The following GRK5 variants were observed in gnomAD, a reference collection of about 807,000 sequenced individuals.
GRK5 encodes G protein-coupled receptor kinase 5, also known as g protein-coupled receptor kinase GRK5.
A neutral mutation model predicts 78.4 loss-of-function variants in GRK5; 40 were observed. The ratio of observed to expected loss-of-function variants is 0.51; its 90% CI spans 0.40 to 0.66. The LOEUF (loss-of-function observed/expected upper bound fraction) is 0.66. Among genes scored for constraint, GRK5 ranks in the 30% least tolerant of loss-of-function variants. The probability of loss-of-function intolerance (pLI) is 0.00; values close to 1 mark genes in which losing one functional copy is unlikely to be tolerated. For synonymous variants in GRK5, 289 were observed against 296.8 expected (o/e 0.97, Z 0.27); for missense variants, 598 against 759.9 (o/e 0.79, Z 2.50).
At chr10:119,210,323 A>T (rs1848467023) in intron 1 of GRK5, among the ~76,000 whole-genome samples, 1 of 152,172 alleles carries the variant, frequency 6.6e-6, no homozygotes, top group African/African-American at 2.4e-5. Flanking sequence ...TACAATTTGC[A>T]TCTCTCCCCT....
chr10:119,310,480 T>C (rs2133736814), intron 1 of GRK5, among the ~76,000 whole-genome samples: 2 of 152,350 alleles, frequency 1.3e-5, no homozygotes, highest in South Asian at 4.1e-4. Flanking sequence ...GGCCAGACTT[T>C]TCTCAACTGT....
chr10:119,207,612 G>A lies in GRK5; in HGVS notation c.-306G>A. ...TTAAAGCATCCGAGGGAGCCGGAGG[G>A]GAGGAGAATGGAGTGACAGAGACAC... On this transcript the variant is annotated 5_prime_UTR_variant, in exon 1 of 16. Transcript: ENST00000392870. 3.1e-6 allele frequency: 1 copy of A among 320,060 alleles called. No homozygotes were observed. Among genetic ancestry groups the A allele is most frequent in the South Asian group, 2.8e-5 (1 of 35,360 alleles). The allele number at this position is 320,060 out of a possible 1,614,324, so 19.8% of individuals were successfully genotyped here.
intron 1 of GRK5, among the ~76,000 whole-genome samples, chr10:119,296,464 T>C (rs1273168399): frequency 6.6e-6 from 1 of 152,174 alleles, no homozygotes; most frequent in Non-Finnish European, 1.5e-5. Flanking sequence ...ACAGGCACTG[T>C]TCAATGTCTG....
At chr10:119,209,621 A>G (rs1057017231) in intron 1 of GRK5, among the ~76,000 whole-genome samples, 1 of 141,930 alleles carries the variant, frequency 7.0e-6, no homozygotes, top group African/African-American at 2.6e-5. Flanking sequence ...ACAGCCCTCC[A>G]CCTCCCCCGC....
intron 1 of GRK5, among the ~76,000 whole-genome samples, chr10:119,210,217 C>T (rs114360399): frequency 6.6e-6 from 1 of 152,100 alleles, no homozygotes; most frequent in Admixed American, 6.6e-5. Flanking sequence ...GAGAAAATAG[C>T]TCTTGATGAT....
chr10:119,207,758 C>G lies in GRK5; in HGVS notation c.-160C>G, dbSNP rs1157548034. On this transcript the variant is annotated 5_prime_UTR_variant, in exon 1 of 16. Coordinates refer to ENST00000392870, the MANE Select transcript of GRK5 (RefSeq NM_005308.3). ...GCTCCTCTTTGCAGAGGGGGAAACT[C>G]TTGGGCTGAGAGCAGGAATAATGCG... 5 of 694,736 alleles carry G rather than the reference C, an allele frequency of 7.2e-6. No homozygotes were observed. The highest frequency in any genetic ancestry group is 1.2e-5 in the Non-Finnish European group (5 of 430,472). 43.0% of individuals were successfully genotyped at this position (694,736 alleles called of 1,614,324 possible).
intron 2 of GRK5, among the ~76,000 whole-genome samples, chr10:119,342,712 T>C (rs1851004338): frequency 6.6e-6 from 1 of 152,226 alleles, no homozygotes; most frequent in African/African-American, 2.4e-5. Context: ...CCCCTCTTCC[T>C]TCTTCCAGGC....
rs564526788 is a variant in GRK5 at position 119,217,064 on chromosome 10, AAAAT to A, written c.52+9100_52+9103del. 1.4e-3 allele frequency among the ~76,000 whole-genome samples: 210 copies of A among 152,356 alleles called. No individual in the cohort carries two copies. Among genetic ancestry groups the A allele is most frequent in the African/African-American group, 4.7e-3 (197 of 41,586 alleles). On this transcript the variant is annotated intron_variant, in intron 1 of 15. Transcript: ENST00000392870. This position sits in a 1 kb window ranked among gnomAD's most constrained non-coding sequence, Gnocchi z 4.1. ...ATCCTCCAAAGTGCTTTTATGTTCC[AAAAT>A]AAATCTTTCTTCCTTCCTCTCATAA...
intron 1 of GRK5, among the ~76,000 whole-genome samples, chr10:119,282,969 GT>G (rs1849787524): frequency 6.6e-6 from 1 of 152,200 alleles, no homozygotes; most frequent in South Asian, 2.1e-4. Flanking sequence ...CTGAGTTACT[GT>G]GTCACTGGGG....
intron 6 of GRK5, among the ~76,000 whole-genome samples, chr10:119,427,685 C>T (rs1439108268): frequency 1.6e-5 from 2 of 128,124 alleles, no homozygotes; most frequent in Non-Finnish European, 3.0e-5. Flanking sequence ...TATCAATATC[C>T]CAGTGCCATC....
At chr10:119,209,852 GA>G (rs1376652958) in intron 1 of GRK5, among the ~76,000 whole-genome samples, 2 of 152,132 alleles carry the variant, frequency 1.3e-5, no homozygotes, top group African/African-American at 4.8e-5. Flanking sequence ...TTGTTTGCCT[GA>G]TAGATGCTTT....
At chr10:119,257,576 T>C (rs1161132857) in intron 1 of GRK5, among the ~76,000 whole-genome samples, 1 of 152,096 alleles carries the variant, frequency 6.6e-6, no homozygotes, top group African/African-American at 2.4e-5. Context: ...ATACAAAAAT[T>C]AGCCAGGTGT....
At chr10:119,331,683 C>T (rs931920155) in intron 2 of GRK5, among the ~76,000 whole-genome samples, 8 of 152,220 alleles carry the variant, frequency 5.3e-5, no homozygotes, top group African/African-American at 1.9e-4. Context: ...CCCAGGATGC[C>T]GCCATGTCTG....
Position 119,224,246 on chromosome 10 carries a change from C to A in GRK5, c.52+16277C>A, listed in dbSNP as rs1848699986. Among the ~76,000 whole-genome samples, 4 of 152,158 alleles carry A rather than the reference C, an allele frequency of 2.6e-5. No homozygotes were observed. The South Asian group carries it at 8.3e-4, about 32-fold the overall frequency. The stretch of plus-strand genomic sequence containing the variant: ...CAGACTGGGCTCTCATTGTGCATTG[C>A]AGCCAAGTAACAGACATAACCAACC... On this transcript the variant is annotated intron_variant, in intron 1 of 15. Coordinates refer to ENST00000392870, the MANE Select transcript of GRK5 (RefSeq NM_005308.3).
At chr10:119,411,608 T>G (rs1013046879) in intron 4 of GRK5, among the ~76,000 whole-genome samples, 1 of 152,144 alleles carries the variant, frequency 6.6e-6, no homozygotes, top group African/African-American at 2.4e-5. Flanking sequence ...CAAAAGTGAA[T>G]ATTGAGAAGG....
At chr10:119,428,689 T>C (rs1199105820) in intron 6 of GRK5, among the ~76,000 whole-genome samples, 1 of 152,112 alleles carries the variant, frequency 6.6e-6, no homozygotes, top group Non-Finnish European at 1.5e-5. Context: ...ACCAAACACA[T>C]GAAATGGAGA....
rs563156748 is a variant in GRK5 at position 119,433,625 on chromosome 10, T to A, written c.738+2098T>A. ...TCCTTGGCTGCCATTTTATCTCCTT[T>A]CCTCAAAAATAGCTGATGTTGATGC... On this transcript the variant is annotated intron_variant, in intron 8 of 15. Transcript: ENST00000392870. 4.6e-5 allele frequency among the ~76,000 whole-genome samples: 7 copies of A among 152,252 alleles called. No homozygotes were observed. The South Asian group carries it at 1.0e-3, about 23-fold the overall frequency.
chr10:119,419,559 G>T (rs565964364), intron 4 of GRK5, among the ~76,000 whole-genome samples: 1 of 152,204 alleles, frequency 6.6e-6, no homozygotes, highest in Non-Finnish European at 1.5e-5. Context: ...CGAGCCAGTG[G>T]TTATAAAGCC....
intron 1 of GRK5, among the ~76,000 whole-genome samples, chr10:119,246,610 CA>C (rs1448715385): frequency 6.6e-6 from 1 of 152,170 alleles, no homozygotes; most frequent in Non-Finnish European, 1.5e-5. Context: ...GTTAATCTGC[CA>C]AGGATGTTGG....
Sources: allele counts gnomAD v4.1 joint callset (sites outside exome capture counted in the v4.1 genomes callset), GRCh38; gene constraint gnomAD v4.1.1; non-coding constraint Gnocchi (gnomAD v3.1); transcripts MANE v1.5; gene names NCBI Gene and HGNC (gene_info 2026-07-23, HGNC 2026-07-21).